LRWD1: variants seen among roughly 807,000 people sequenced by gnomAD.
LRWD1 encodes the protein leucine rich repeats and WD repeat domain containing 1, also known as leucine-rich repeat and WD repeat-containing protein 1.
In LRWD1, 76 loss-of-function variants were observed where a neutral mutation model predicts 75.6. The ratio of observed to expected loss-of-function variants is 1.01; its 90% CI spans 0.84 to 1.22. The LOEUF is 1.22. LRWD1 is among the 50% of genes most tolerant of loss of function. The pLI, the probability that LRWD1 is intolerant of heterozygous loss-of-function variation, is 0.00. For synonymous variants in LRWD1, 487 were observed against 377.0 expected, an observed-to-expected ratio of 1.29 and a Z score of -3.38; for missense variants, 917 against 862.0, an observed-to-expected ratio of 1.06 and a Z score of -0.80.
At chr7:102,466,403 T>C in intron 3 of LRWD1, 133 bp downstream of exon 3, 1 of 643,664 alleles carries the variant, frequency 1.6e-6, no homozygotes, top group Non-Finnish European at 2.7e-6. Context: ...CCTAGCCTGA[T>C]GTGCTACTTT....
chr7:102,470,147 G>A (rs1350143832), intron 11 of LRWD1: 7 of 450,074 alleles, frequency 1.6e-5, no homozygotes, highest in Admixed American at 4.0e-5. Context: ...CTGTGCCCAC[G>A]TGATCCAGCC....
Position 102,465,088 on chromosome 7 carries a change from C to T in LRWD1, c.8C>T (p.Pro3Leu), listed in dbSNP as rs1272444045. 2 of 1,495,420 alleles carry T rather than the reference C, an allele frequency of 1.3e-6. No individual in the cohort carries two copies. The highest frequency in any genetic ancestry group is 1.5e-5 in the African/African-American group (1 of 68,652). The allele number at this position is 1,495,420 out of a possible 1,614,324, so 92.6% of individuals were successfully genotyped here. Residue 3 changes from proline to leucine, a missense_variant, in exon 1 of 15, where the codon CCC becomes CTC. Transcript: ENST00000292616. ...GGGCTGCGCCTCCTCGCCATGGGCC[C>T]CCTCTCGGCGCGGCTGCTAATGCAG... MG[P>L]LSARLLMQRG... is the part of the protein sequence containing the mutation.
intron 3 of LRWD1, among the ~76,000 whole-genome samples, 140 bp from the exon 4 acceptor site, chr7:102,467,171 GGTGTGTGTGTGTGTGTGTGTGTGTGTGT>G (rs1209487514): frequency 1.0e-5 from 1 of 99,116 alleles, no homozygotes; most frequent in South Asian, 3.4e-4. Flanking sequence ...GTGTGTGTGG[GGTGTGTGTGTGTGTGTGTGTGTGTGTGT>G]GTGTGTGTGT....
chr7:102,472,697 G>C lies in LRWD1; in HGVS notation c.1696G>C (p.Gly566Arg). The change falls in exon 14 of 15, where the codon GGG becomes CGG. Residue 566 changes from glycine to arginine, a missense_variant. Physicochemically the swap from Gly to Arg is moderately radical, Grantham distance 125. Transcript: ENST00000292616. The part of the protein sequence containing the change: ...YFSLSACPDK[G>R]IVLCGDEEGN... ...CTCCACCTCTGTCCCGGCAGATAAG[G>C]GGATTGTGCTCTGTGGGGATGAGGA... 1 of 1,613,548 alleles carries C rather than the reference G, an allele frequency of 6.2e-7. No individual in the cohort carries two copies. Among genetic ancestry groups the C allele is most frequent in the Non-Finnish European group, 8.5e-7 (1 of 1,179,948 alleles).
At position 102,472,103 on chromosome 7, in the gene LRWD1, T is replaced by A. The variant is rs535353099; in HGVS notation, c.1443-115T>A. Reference sequence around the variant, plus strand: ...AATGTATCTCTTTGGTGGCATCTTCTGTGCAGCCTTCACACAGGGCAGGGT... The same window carrying A: ...AATGTATCTCTTTGGTGGCATCTTCAGTGCAGCCTTCACACAGGGCAGGGT... On this transcript the variant is annotated intron_variant, in intron 11 of 14. Transcript: ENST00000292616. 12 of 922,384 alleles carry A rather than the reference T, an allele frequency of 1.3e-5. No homozygotes were observed. In the African/African-American group the frequency reaches 2.0e-4, roughly 15 times the overall value. 57.1% of individuals were successfully genotyped at this position (922,384 alleles called of 1,614,324 possible).
At chr7:102,468,766 G>A in intron 8 of LRWD1, 89 bp from the exon 9 acceptor site, 2 of 1,532,666 alleles carry the variant, frequency 1.3e-6, no homozygotes, top group East Asian at 2.4e-5. Context: ...TTTCTTTCAT[G>A]CTGGGGCTCC....
intron 11 of LRWD1, 63 bp downstream of exon 11, chr7:102,469,945 A>C: frequency 6.9e-7 from 1 of 1,439,916 alleles, no homozygotes; most frequent in Non-Finnish European, 9.1e-7. Flanking sequence ...GTTGGCCCAG[A>C]TGGGCTCACA....
In LRWD1 at chr7:102,472,923, C is replaced by T; in HGVS notation, c.1818C>T (p.Pro606=). 1 of 1,613,954 alleles carries T rather than the reference C, an allele frequency of 6.2e-7. No individual in the cohort carries two copies. The highest frequency in any genetic ancestry group is 8.5e-7 in the Non-Finnish European group (1 of 1,179,932). ...CTCCCCACCAGATCCTGAAGTGGCCCCAGCCCTGGGCCCTTGGCCAGGTGG... is the reference window on the plus strand; with the variant it reads ...CTCCCCACCAGATCCTGAAGTGGCCTCAGCCCTGGGCCCTTGGCCAGGTGG... ...LQAPTQILKW[P]QPWALGQVVT... is the part of the protein sequence containing the mutation. Residue 606 remains proline, a synonymous_variant, in exon 15 of 15, where the codon CCC becomes CCT. Transcript: ENST00000292616.
At chr7:102,467,520 G>GTATCT in intron 4 of LRWD1, 41 bp downstream of exon 4, 1 of 1,604,650 alleles carries the variant, frequency 6.2e-7, no homozygotes, top group Non-Finnish European at 8.5e-7. Flanking sequence ...ACTGGCTCTC[G>GTATCT]TATCTCTAGC....
At chr7:102,467,168 T>TGGGGGGG (rs1157897255) in intron 3 of LRWD1, among the ~76,000 whole-genome samples, 171 bp from the exon 4 acceptor site, 1 of 18,508 alleles carries the variant, frequency 5.4e-5, no homozygotes, top group African/African-American at 1.7e-4. Context: ...GGGGTGTGTG[T>TGGGGGGG]GGGGTGTGTG....
chr7:102,468,137 C>G lies in LRWD1; in HGVS notation c.754C>G (p.Pro252Ala). The G allele has an allele frequency of 1.2e-6, 2 of 1,608,152 alleles. No homozygotes were observed. Among genetic ancestry groups the G allele is most frequent in the Non-Finnish European group, 1.7e-6 (2 of 1,178,362 alleles). Residue 252 changes from proline (P) to alanine (A), a missense_variant, in exon 6 of 15, where the codon CCG (proline) becomes GCG (alanine). Physicochemically the swap from Pro to Ala is conservative, Grantham distance 27 (BLOSUM62 -1). Transcript: ENST00000292616. Reference sequence around the variant, plus strand: ...TCCCAGCAAGCGGGCGTGTGCCTCCCCGTCGGCCCAGGTGGAGGGCAGCCC... The same window carrying G: ...TCCCAGCAAGCGGGCGTGTGCCTCCGCGTCGGCCCAGGTGGAGGGCAGCCC... ...LSPSKRACAS[P>A]SAQVEGSPVA...
In LRWD1 at chr7:102,465,042, G is replaced by A. The variant is rs1797915012; in HGVS notation, c.-39G>A. ...GACGCAGGGCGACGCCACACGCCGGGGTGGCCGACTGGGTCAGCGCGGGCT... is the reference window on the plus strand; with the variant it reads ...GACGCAGGGCGACGCCACACGCCGGAGTGGCCGACTGGGTCAGCGCGGGCT... On this transcript the variant is annotated 5_prime_UTR_variant, in exon 1 of 15. Coordinates refer to ENST00000292616, the MANE Select transcript of LRWD1 (RefSeq NM_152892.3). 1.4e-6 allele frequency: 2 copies of A among 1,443,152 alleles called. No individual in the cohort carries two copies. The highest frequency in any genetic ancestry group is 1.8e-6 in the Non-Finnish European group (2 of 1,096,334). 89.4% of individuals were successfully genotyped at this position (1,443,152 alleles called of 1,614,324 possible).
At chr7:102,465,751 C>T (rs1234530620) in intron 1 of LRWD1, 66 bp from the exon 2 acceptor site, 1 of 1,202,238 alleles carries the variant, frequency 8.3e-7, no homozygotes, top group Non-Finnish European at 1.2e-6. Context: ...TTCTGAGGTA[C>T]CCGGGGCAGA....
intron 1 of LRWD1, chr7:102,465,608 C>T (rs560838083): frequency 1.3e-4 from 65 of 513,344 alleles, no homozygotes; most frequent in Non-Finnish European, 2.2e-4. Context: ...GATCCCTCAG[C>T]CCAGGAGTTG....
In LRWD1 at chr7:102,469,067, G is replaced by GCC. The variant is rs935042115; in HGVS notation, c.1228+8_1228+9dup. ...CCCACGAGACCCATCTCTTCAGTAA[G>GCC]CCCCTCCCCTTCACCCCTGGGACCC... On this transcript the variant is annotated splice_donor_region_variant and intron_variant, in intron 9 of 14. Transcript: ENST00000292616. 1.3e-6 allele frequency: 2 copies of GCC among 1,593,792 alleles called. No individual in the cohort carries two copies. The highest frequency in any genetic ancestry group is 2.7e-5 in the African/African-American group (2 of 74,254).
chr7:102,472,623 C>A lies in LRWD1; in HGVS notation c.1690+14C>A. The A allele has an allele frequency of 1.9e-6, 3 of 1,609,654 alleles. No homozygotes were observed. The highest frequency in any genetic ancestry group is 2.5e-6 in the Non-Finnish European group (3 of 1,177,452). ...GCGCCTGCCCTGGTGAGCCTGCCCC[C>A]CTGCCCGCCCCATCCCGCGGGCTTC... On this transcript the variant is annotated intron_variant, in intron 13 of 14. Coordinates refer to ENST00000292616, the MANE Select transcript of LRWD1 (RefSeq NM_152892.3).
intron 5 of LRWD1, 116 bp from the exon 6 acceptor site, chr7:102,467,946 G>A: frequency 1.3e-6 from 2 of 1,508,238 alleles, no homozygotes; most frequent in Non-Finnish European, 1.8e-6. Flanking sequence ...CACTCCCTAG[G>A]TGACCCCGGG....
chr7:102,470,254 G>C (rs1164576746), intron 11 of LRWD1: 1 of 191,792 alleles, frequency 5.2e-6, no homozygotes, highest in Non-Finnish European at 1.1e-5. Context: ...GGCAGGTGAG[G>C]TGGTGTCTGG....
In LRWD1 at chr7:102,466,193, C is replaced by T; in HGVS notation, c.355C>T (p.Leu119Phe). 1 of 1,614,198 alleles carries T rather than the reference C, an allele frequency of 6.2e-7. No individual in the cohort carries two copies. The highest frequency in any genetic ancestry group is 8.5e-7 in the Non-Finnish European group (1 of 1,180,034). Residue 119 changes from leucine (L) to phenylalanine (F), a missense_variant, in exon 3 of 15, where the codon CTC becomes TTC. Transcript: ENST00000292616. ...NLKVSFLLPT[L>F]RKVNGKDASS... ...GAAAGTCTCCTTTCTCCTGCCCACG[C>T]TCCGTAAGGTCAATGGCAAGGATGC...
Sources: allele counts gnomAD v4.1 joint callset (sites outside exome capture counted in the v4.1 genomes callset), GRCh38; gene constraint gnomAD v4.1.1; transcripts MANE v1.5; gene names NCBI Gene and HGNC (gene_info 2026-07-23, HGNC 2026-07-21).